DCAF17: variants seen among roughly 807,000 people sequenced by gnomAD.
DCAF17 encodes DDB1 and CUL4 associated factor 17, also known as DDB1- and CUL4-associated factor 17.
Under a neutral mutation model 66.0 loss-of-function variants are expected in DCAF17, and 48 were observed. That is an observed-to-expected ratio of 0.73 (90% confidence interval 0.58 to 0.92). The LOEUF is 0.92. Among genes scored for constraint, DCAF17 ranks in the 40% least tolerant of loss-of-function variants. The pLI is 0.00. For synonymous variants in DCAF17, 206 were observed against 214.6 expected (o/e 0.96, Z 0.35); for missense variants, 562 against 622.8 (o/e 0.90, Z 1.04).
chr2:171,460,543 A>ATTATTATTATTATTATTT (rs1179035573), intron 8 of DCAF17, among the ~76,000 whole-genome samples: 3,710 of 136,584 alleles, frequency 0.027, 622 homozygotes, highest in South Asian at 0.078. Context: ...TATTATTATT[A>ATTATTATTATTATTATTT]ATTTTGAGAC....
At chr2:171,443,437 C>A in intron 2 of DCAF17, 86 bp from the exon 3 acceptor site, 1 of 1,125,098 alleles carries the variant, frequency 8.9e-7, no homozygotes, top group Non-Finnish European at 1.3e-6. Flanking sequence ...TATTTCACAT[C>A]TCTGAATAAA....
In DCAF17 at chr2:171,468,940, T is replaced by C. The variant is rs1286983436; in HGVS notation, c.891T>C (p.Ile297=). The change falls in exon 9 of 14, where the codon ATT becomes ATC. Residue 297 remains isoleucine, a synonymous_variant. Coordinates refer to ENST00000375255, the MANE Select transcript of DCAF17 (RefSeq NM_025000.4). The part of the protein sequence containing the change: ...EVSSLENAFQ[I]GGHPWHYIVT... Reference sequence around the variant, plus strand: ...CATCCCTGGAGAATGCTTTTCAGATTGGAGGCCATCCTTGGCACTACATCG... The same window carrying C: ...CATCCCTGGAGAATGCTTTTCAGATCGGAGGCCATCCTTGGCACTACATCG... The C allele has an allele frequency of 6.2e-7, 1 of 1,614,026 alleles. No individual in the cohort carries two copies. Among genetic ancestry groups the C allele is most frequent in the Non-Finnish European group, 8.5e-7 (1 of 1,180,010 alleles).
At chr2:171,439,010 C>G (rs958067004) in intron 2 of DCAF17, among the ~76,000 whole-genome samples, 1 of 151,978 alleles carries the variant, frequency 6.6e-6, no homozygotes, top group Non-Finnish European at 1.5e-5. Flanking sequence ...ATTACAGACA[C>G]GAGCCACCAG....
chr2:171,470,760 T>C (rs1266173615), intron 9 of DCAF17, among the ~76,000 whole-genome samples: 6 of 152,172 alleles, frequency 3.9e-5, no homozygotes, highest in African/African-American at 1.4e-4. Context: ...TAACACGTAT[T>C]CTTTTTTATA....
chr2:171,475,377 A>G (rs1279232364), intron 10 of DCAF17, among the ~76,000 whole-genome samples: 6 of 152,200 alleles, frequency 3.9e-5, no homozygotes, highest in Admixed American at 2.6e-4. Flanking sequence ...CATAAACTCT[A>G]TGATGACAGG....
chr2:171,476,703 A>G (rs1169734518), intron 10 of DCAF17, among the ~76,000 whole-genome samples, 157 bp from the exon 11 acceptor site: 2 of 152,206 alleles, frequency 1.3e-5, no homozygotes, highest in East Asian at 3.9e-4. Context: ...GTTCATGGAC[A>G]TTTAGTGATC....
chr2:171,471,741 AC>A (rs1405833331), intron 9 of DCAF17, among the ~76,000 whole-genome samples: 2 of 152,218 alleles, frequency 1.3e-5, no homozygotes, highest in African/African-American at 4.8e-5. Context: ...GAGGCCAGGC[AC>A]AGTGGCTCAT....
intron 1 of DCAF17, 167 bp downstream of exon 1, chr2:171,434,870 A>G: frequency 8.7e-7 from 1 of 1,147,472 alleles, no homozygotes; most frequent in Non-Finnish European, 1.2e-6. Flanking sequence ...TAGGGCCACC[A>G]GCTGCTTTTA....
chr2:171,444,747 A>C (rs1694517549), intron 3 of DCAF17, among the ~76,000 whole-genome samples: 1 of 152,230 alleles, frequency 6.6e-6, no homozygotes, highest in Non-Finnish European at 1.5e-5. Flanking sequence ...CTTTAGGAAA[A>C]ACGGAACTCA....
intron 11 of DCAF17, 84 bp from the exon 12 acceptor site, chr2:171,477,901 GTT>G: frequency 8.5e-7 from 1 of 1,182,030 alleles, no homozygotes; most frequent in Admixed American, 1.8e-5. Flanking sequence ...GGGTTGGTAA[GTT>G]TTACCAAATT....
rs1029209617 is a variant in DCAF17, at chr2:171,484,189, ATTTTC to A, written c.*3078_*3082del. 6.7e-6 allele frequency: 3 copies of A among 446,328 alleles called. No individual in the cohort carries two copies. Among genetic ancestry groups the A allele is most frequent in the African/African-American group, 6.1e-5 (3 of 49,410 alleles). The allele number at this position is 446,328 out of a possible 1,614,324, so 27.6% of individuals were successfully genotyped here. On this transcript the variant is annotated 3_prime_UTR_variant, in exon 14 of 14. Coordinates refer to ENST00000375255, the MANE Select transcript of DCAF17 (RefSeq NM_025000.4). ...TGGCTTCCATATTAATCATTTTTAT[ATTTTC>A]TTCTCCTTCTTACCATGTTTACTTA...
At chr2:171,451,500 T>C (rs1694950796) in intron 5 of DCAF17, among the ~76,000 whole-genome samples, 1 of 152,240 alleles carries the variant, frequency 6.6e-6, no homozygotes, top group Non-Finnish European at 1.5e-5. Context: ...AACATTTTGC[T>C]ACTTTGAGAA....
rs147295073 is a variant in DCAF17, at chr2:171,445,607, C to T, written c.321+1994C>T. On this transcript the variant is annotated intron_variant, in intron 3 of 13. Coordinates refer to ENST00000375255, the MANE Select transcript of DCAF17 (RefSeq NM_025000.4). Reference sequence around the variant, plus strand: ...CAGCTTTTTGTTCAAGAAAATATTTCGAACGTATTATATTTGCTGCTTCAA... The same window carrying T: ...CAGCTTTTTGTTCAAGAAAATATTTTGAACGTATTATATTTGCTGCTTCAA... 8.0e-3 allele frequency among the ~76,000 whole-genome samples: 1,216 copies of T among 152,170 alleles called. 15 individuals carry two copies. Among genetic ancestry groups the T allele is most frequent in the African/African-American group, 0.028 (1,156 of 41,524 alleles).
chr2:171,434,650 G>T lies in DCAF17; in HGVS notation c.73G>T (p.Ala25Ser). Residue 25 changes from alanine to serine, a missense_variant, in exon 1 of 14, where the codon GCA (alanine) becomes TCA (serine). Around this residue, in one of 3 missense-constraint regions of DCAF17, gnomAD observed 348 missense variants for 355.9 expected, o/e 0.98. Coordinates refer to ENST00000375255, the MANE Select transcript of DCAF17 (RefSeq NM_025000.4). ...RRALGCFSRD[A>S]GVVQRTNLGI... ...GGCGCTGGGCTGCTTCTCGCGCGAC[G>T]CAGGCGTGGTGCAGAGGACCAACCT... 6.5e-7 allele frequency: 1 copy of T among 1,535,590 alleles called. No homozygotes were observed. Among genetic ancestry groups the T allele is most frequent in the Non-Finnish European group, 8.7e-7 (1 of 1,149,212 alleles).
rs1277680217 is a variant in DCAF17, at chr2:171,481,227, T to C, written c.*113T>C. The C allele has an allele frequency of 7.6e-7, 1 of 1,315,462 alleles. No individual in the cohort carries two copies. The highest frequency in any genetic ancestry group is 1.2e-5 in the South Asian group (1 of 83,328). 81.5% of individuals were successfully genotyped at this position (1,315,462 alleles called of 1,614,324 possible). On this transcript the variant is annotated 3_prime_UTR_variant, in exon 14 of 14. Coordinates refer to ENST00000375255, the MANE Select transcript of DCAF17 (RefSeq NM_025000.4). ...TTCTCCAGTATTTTCCAAAAAAGTC[T>C]TGTGTTGACTTCAGATGACTATGAC... is the stretch of plus-strand genomic sequence containing the variant.
intron 8 of DCAF17, among the ~76,000 whole-genome samples, chr2:171,459,688 G>A (rs1695463713): frequency 6.6e-6 from 1 of 152,066 alleles, no homozygotes; most frequent in African/African-American, 2.4e-5. Flanking sequence ...CCAAGAAACA[G>A]AAATGAATGA....
chr2:171,434,750 G>T, intron 1 of DCAF17, 47 bp downstream of exon 1: 3 of 1,391,218 alleles, frequency 2.2e-6, no homozygotes, highest in Non-Finnish European at 2.8e-6. Context: ...CGGGCGCGCG[G>T]CGGCCGAGCC....
Position 171,481,111 on chromosome 2 carries a change from T to C in DCAF17, c.1560T>C (p.Cys520=), listed in dbSNP as rs771088921. Residue 520 remains cysteine, a synonymous_variant, in exon 14 of 14, where the codon TGT becomes TGC. Transcript: ENST00000375255. The stretch of plus-strand genomic sequence containing the variant: ...AAGAAGAAACCATAAACAGAAGCTG[T>C]TAAAAAGAGTGAGATAATTGTAACC... The part of the protein sequence containing the change: ...GEEEETINRS[C] The C allele has an allele frequency of 2.5e-6, 4 of 1,613,442 alleles. No individual in the cohort carries two copies. The Admixed American group carries it at 6.7e-5, about 27-fold the overall frequency.
chr2:171,464,949 A>G (rs1235840060), intron 8 of DCAF17, among the ~76,000 whole-genome samples: 2 of 152,126 alleles, frequency 1.3e-5, no homozygotes, highest in Non-Finnish European at 2.9e-5. Context: ...TAATCCCAGC[A>G]CTTTGGGAGG....
Sources: gnomAD v4.1 joint callset for allele counts (sites outside exome capture counted in the v4.1 genomes callset) on GRCh38, gnomAD v4.1.1 for gene constraint, gnomAD v4.1.1 regional missense constraint, MANE v1.5 for transcripts, NCBI Gene and HGNC (gene_info 2026-07-23, HGNC 2026-07-21) for gene names.